NGEF: variants seen among roughly 807,000 people sequenced by gnomAD.
The protein encoded by NGEF is ephexin-1.
Under a neutral mutation model 80.9 loss-of-function variants are expected in NGEF, and 31 were observed. The ratio of observed to expected loss-of-function variants is 0.38; its 90% CI spans 0.29 to 0.52. The LOEUF (loss-of-function observed/expected upper bound fraction) is 0.52, where lower values mean the gene tolerates loss of function less well. Ranked by LOEUF, NGEF falls within the 20% of genes least tolerant of loss-of-function variation. The probability of loss-of-function intolerance (pLI) is 0.84; values close to 1 mark genes in which losing one functional copy is unlikely to be tolerated. For missense variants in NGEF, 709 were observed against 926.2 expected (o/e 0.77, Z 3.04); for synonymous variants, 371 against 370.2 (o/e 1.00, Z -0.03).
chr2:232,985,570 G>A (rs1574654105), intron 1 of NGEF, among the ~76,000 whole-genome samples: 2 of 151,856 alleles, frequency 1.3e-5, no homozygotes, highest in East Asian at 1.9e-4. Flanking sequence ...GGCTAACATG[G>A]TGAAACCCTG....
At chr2:232,887,924 T>C in intron 9 of NGEF, 109 bp downstream of exon 9, 4 of 828,004 alleles carry the variant, frequency 4.8e-6, no homozygotes, top group Non-Finnish European at 8.2e-6. Flanking sequence ...AAAATAAATT[T>C]GCATATTCTA....
At chr2:232,970,421 G>T in intron 2 of NGEF, 93 bp from the exon 3 acceptor site, 1 of 816,534 alleles carries the variant, frequency 1.2e-6, no homozygotes, top group Non-Finnish European at 2.0e-6. Flanking sequence ...CAGCAGTCAT[G>T]CTGGAAGGTG....
At position 232,975,152 on chromosome 2, in the gene NGEF, A is replaced by G. The variant is rs141270082; in HGVS notation, c.-74-188T>C. On this transcript the variant is annotated intron_variant, in intron 1 of 14. Transcript: ENST00000264051. ...TTTGGAGGCATTCACGTATCATTTTATAATTGCCGTTTGTTTACATTATTC... is the reference window on the plus strand; with the variant it reads ...TTTGGAGGCATTCACGTATCATTTTGTAATTGCCGTTTGTTTACATTATTC... Among the ~76,000 whole-genome samples, 212 of 152,338 alleles carry G rather than the reference A, an allele frequency of 1.4e-3. 1 individual carries two copies. The highest frequency in any genetic ancestry group is 4.8e-3 in the African/African-American group (200 of 41,574).
At chr2:232,885,154 G>T in intron 10 of NGEF, 126 bp downstream of exon 10, 1 of 816,790 alleles carries the variant, frequency 1.2e-6, no homozygotes, top group Non-Finnish European at 2.0e-6. Flanking sequence ...GGGGCAGAGG[G>T]GATCCTAAGT....
intron 5 of NGEF, among the ~76,000 whole-genome samples, chr2:232,911,629 A>C (rs896834229): frequency 3.9e-5 from 6 of 152,210 alleles, no homozygotes; most frequent in African/African-American, 1.2e-4. Context: ...TGAATCTTTC[A>C]ATCCATAAAC....
chr2:232,982,144 C>G (rs536417147), intron 1 of NGEF, among the ~76,000 whole-genome samples: 100 of 152,284 alleles, frequency 6.6e-4, no homozygotes, highest in African/African-American at 2.3e-3. Flanking sequence ...GAGGCATGGG[C>G]AGCCCCATGC....
intron 3 of NGEF, among the ~76,000 whole-genome samples, chr2:232,959,405 C>T (rs748348225): frequency 5.9e-5 from 9 of 152,176 alleles, no homozygotes; most frequent in East Asian, 1.9e-4. Flanking sequence ...AAGCTAGCTT[C>T]AATAAACACC....
chr2:232,906,614 CTG>C (rs1692556066), intron 5 of NGEF, among the ~76,000 whole-genome samples: 1 of 58,094 alleles, frequency 1.7e-5, no homozygotes, highest in African/African-American at 5.5e-5. Context: ...AGGAGCCCCT[CTG>C]CCCGGCCACC....
chr2:233,004,755 C>T (rs1315648715), intron 1 of NGEF, among the ~76,000 whole-genome samples: 1 of 152,076 alleles, frequency 6.6e-6, no homozygotes, highest in East Asian at 1.9e-4. Context: ...CCCCCCATCG[C>T]TGAGAATCAG....
At chr2:232,883,186 G>T in intron 12 of NGEF, 125 bp downstream of exon 12, 1 of 1,196,258 alleles carries the variant, frequency 8.4e-7, no homozygotes, top group Non-Finnish European at 1.2e-6. Flanking sequence ...GGGAAGGATG[G>T]GCAGGTCGGC....
chr2:232,888,474 A>C (rs1444423108), intron 8 of NGEF, among the ~76,000 whole-genome samples: 1 of 151,926 alleles, frequency 6.6e-6, no homozygotes, highest in Non-Finnish European at 1.5e-5. Context: ...TTGCAAGCAC[A>C]GTGCACACAC....
At chr2:232,996,100 A>G (rs1235161315) in intron 1 of NGEF, among the ~76,000 whole-genome samples, 1 of 152,004 alleles carries the variant, frequency 6.6e-6, no homozygotes, top group Non-Finnish European at 1.5e-5. Context: ...GACTCATTCT[A>G]CTCCATTCAG....
At chr2:232,927,297 C>A (rs1693093943) in intron 3 of NGEF, 111 bp from the exon 4 acceptor site, 4 of 1,243,392 alleles carry the variant, frequency 3.2e-6, no homozygotes, top group Non-Finnish European at 4.3e-6. Flanking sequence ...GGACCTTACC[C>A]GGGACCGTCC....
At chr2:232,976,143 A>G (rs1694288650) in intron 1 of NGEF, among the ~76,000 whole-genome samples, 1 of 152,092 alleles carries the variant, frequency 6.6e-6, no homozygotes, top group South Asian at 2.1e-4. Flanking sequence ...GGAGGTTGCC[A>G]TAAGCAGAGA....
At chr2:232,899,146 A>C (rs1170074508) in intron 5 of NGEF, among the ~76,000 whole-genome samples, 1 of 150,894 alleles carries the variant, frequency 6.6e-6, no homozygotes, top group African/African-American at 2.4e-5. Context: ...AGAGTATGAG[A>C]GTGTGTGACA....
At chr2:232,918,586 G>A (rs941341032) in intron 5 of NGEF, among the ~76,000 whole-genome samples, 6 of 149,206 alleles carry the variant, frequency 4.0e-5, no homozygotes, top group Non-Finnish European at 7.4e-5. Context: ...GTTGTAAAAG[G>A]TTTCTAACAT....
intron 5 of NGEF, among the ~76,000 whole-genome samples, chr2:232,913,695 G>A (rs1458356072): frequency 6.6e-6 from 1 of 152,116 alleles, no homozygotes; most frequent in African/African-American, 2.4e-5. Flanking sequence ...CCTGAGGCAG[G>A]TGATCACGAG....
Position 232,892,855 on chromosome 2 carries a change from G to A in NGEF, c.1142+43C>T. 21 of 1,600,662 alleles carry A rather than the reference G, an allele frequency of 1.3e-5. No homozygotes were observed. Among genetic ancestry groups the A allele is most frequent in the Non-Finnish European group, 1.8e-5 (21 of 1,171,762 alleles). On this transcript the variant is annotated intron_variant, in intron 7 of 14. Coordinates refer to ENST00000264051, the MANE Select transcript of NGEF (RefSeq NM_019850.3). The surrounding 1 kb of genome is among the most constrained non-coding windows in gnomAD (Gnocchi z 4.0). ...GGCCAGCACTGGTATGGCTGCCCCG[G>A]GCACCTCCCCCTGCCCCTGAGCCCC...
chr2:232,934,367 A>G (rs961591447), intron 3 of NGEF, among the ~76,000 whole-genome samples: 1 of 151,022 alleles, frequency 6.6e-6, no homozygotes, highest in Non-Finnish European at 1.5e-5. Context: ...TATTCCTTTT[A>G]TGCTCTGCTG....
Sources: gnomAD v4.1 joint callset for allele counts (sites outside exome capture counted in the v4.1 genomes callset) on GRCh38, gnomAD v4.1.1 for gene constraint, Gnocchi (gnomAD v3.1) non-coding constraint, MANE v1.5 for transcripts, NCBI Gene and HGNC (gene_info 2026-07-23, HGNC 2026-07-21) for gene names.